ZSCAN22: variants seen among roughly 807,000 people sequenced by gnomAD.
ZSCAN22 encodes the protein zinc finger and SCAN domain containing 22, also known as zinc finger and SCAN domain-containing protein 22.
In ZSCAN22, 7 loss-of-function variants were observed where a neutral mutation model predicts 12.4. The observed-to-expected ratio is 0.57, with a 90% CI of 0.32 to 1.06. The LOEUF is 1.06. ZSCAN22 is among the 50% of genes least tolerant of loss of function. ZSCAN22 has a pLI of 0.04. For synonymous variants in ZSCAN22, 243 were observed against 255.9 expected, an observed-to-expected ratio of 0.95 and a Z score of 0.48; for missense variants, 576 against 631.7, an observed-to-expected ratio of 0.91 and a Z score of 0.94.
intron 2 of ZSCAN22, among the ~76,000 whole-genome samples, chr19:58,337,842 G>T (rs924274753): frequency 6.6e-6 from 1 of 151,662 alleles, no homozygotes; most frequent in Non-Finnish European, 1.5e-5. Context: ...TAGACGCAAG[G>T]TGTTGAGTGT....
chr19:58,327,705 A>C (rs1198705981), intron 1 of ZSCAN22, among the ~76,000 whole-genome samples: 1 of 152,066 alleles, frequency 6.6e-6, no homozygotes, highest in Non-Finnish European at 1.5e-5. Flanking sequence ...GAGACTTCCT[A>C]CGTGGGTTGT....
rs1479164285 is a variant in ZSCAN22, at chr19:58,329,820, G to T, written c.-52+2706G>T. ...GGTTCAGTAATATCCATGGTTTCAG[G>T]CATCCACTGGAGGGTCTTGGAACAC... On this transcript the variant is annotated intron_variant, in intron 1 of 2. Coordinates refer to ENST00000329665, the MANE Select transcript of ZSCAN22 (RefSeq NM_181846.3). This position sits in a 1 kb window ranked among gnomAD's most constrained non-coding sequence, Gnocchi z 4.1. Among the ~76,000 whole-genome samples, 4 of 152,130 alleles carry T rather than the reference G, an allele frequency of 2.6e-5. No homozygotes were observed. Among genetic ancestry groups the T allele is most frequent in the Non-Finnish European group, 4.4e-5 (3 of 68,022 alleles).
In ZSCAN22 at chr19:58,338,624, T is replaced by A; in HGVS notation, c.774T>A (p.Pro258=). Reference sequence around the variant, plus strand: ...TGGTGGATGCTTATGGGACAGAGCCTCCATACACCTACTCAGGGAAGAGGT... The same window carrying A: ...TGGTGGATGCTTATGGGACAGAGCCACCATACACCTACTCAGGGAAGAGGT... ...FDLVDAYGTE[P]PYTYSGKRSS... is the part of the protein sequence containing the mutation. Residue 258 remains proline (P), a synonymous_variant, in exon 3 of 3, where the codon CCT becomes CCA. Transcript: ENST00000329665. This position sits in a 1 kb window ranked among gnomAD's most constrained non-coding sequence, Gnocchi z 5.4. The A allele has an allele frequency of 6.2e-7, 1 of 1,614,206 alleles. No individual in the cohort carries two copies. Among genetic ancestry groups the A allele is most frequent in the Non-Finnish European group, 8.5e-7 (1 of 1,180,044 alleles).
chr19:58,331,748 T>C (rs2051729344), intron 1 of ZSCAN22, among the ~76,000 whole-genome samples: 1 of 151,816 alleles, frequency 6.6e-6, no homozygotes, highest in Non-Finnish European at 1.5e-5. Flanking sequence ...GGTTTAATCA[T>C]GTTGGCCAGG....
chr19:58,342,156 A>G lies in ZSCAN22; in HGVS notation c.*2830A>G, dbSNP rs947266678. 1 of 152,230 alleles carries G rather than the reference A, an allele frequency of 6.6e-6. No individual in the cohort carries two copies. Among genetic ancestry groups the G allele is most frequent in the African/African-American group, 2.4e-5 (1 of 41,456 alleles). The allele number at this position is 152,230 out of a possible 1,614,324, so 9.4% of individuals were successfully genotyped here. A position where few individuals can be genotyped will look rare whatever the true frequency, so the allele number is the denominator to read the frequency against. ...AGAGCCTGTGTGTGCTGCCCAGTCT[A>G]CCAAATAATTTATATACATCTCAGT... On this transcript the variant is annotated 3_prime_UTR_variant, in exon 3 of 3. Transcript: ENST00000329665.
rs1202827692 is a variant in ZSCAN22, at chr19:58,335,174, G to A, written c.372G>A (p.Val124=). Residue 124 remains valine (V), a synonymous_variant, in exon 2 of 3, where the codon GTG becomes GTA. Coordinates refer to ENST00000329665, the MANE Select transcript of ZSCAN22 (RefSeq NM_181846.3). This position sits in a 1 kb window ranked among gnomAD's most constrained non-coding sequence, Gnocchi z 4.1. ...PKSGEEAAVL[V]EDLTQVLDKR... is the part of the protein sequence containing the mutation. ...GCGGAGAGGAAGCCGCTGTGCTGGTGGAGGATCTGACTCAGGTGCTGGACA... is the reference window on the plus strand; with the variant it reads ...GCGGAGAGGAAGCCGCTGTGCTGGTAGAGGATCTGACTCAGGTGCTGGACA... 1.2e-6 allele frequency: 2 copies of A among 1,609,058 alleles called. No homozygotes were observed. The highest frequency in any genetic ancestry group is 2.7e-5 in the African/African-American group (2 of 74,826).
At chr19:58,327,523 A>G (rs1209802504) in intron 1 of ZSCAN22, among the ~76,000 whole-genome samples, 1 of 151,848 alleles carries the variant, frequency 6.6e-6, no homozygotes, top group Non-Finnish European at 1.5e-5. Context: ...GATAAAATGT[A>G]GGACCAGTGG....
intron 1 of ZSCAN22, among the ~76,000 whole-genome samples, chr19:58,331,739 G>T (rs1378192196): frequency 6.6e-6 from 1 of 151,346 alleles, no homozygotes; most frequent in Non-Finnish European, 1.5e-5. Context: ...TAGAGACGGG[G>T]TTTAATCATG....
At position 58,342,030 on chromosome 19, in the gene ZSCAN22, C is replaced by T. The variant is rs1233218111; in HGVS notation, c.*2704C>T. On this transcript the variant is annotated 3_prime_UTR_variant, in exon 3 of 3. Transcript: ENST00000329665. ...GTCACAAGAACTGGATCTCCATCCC[C>T]TTGATGCTCTGAGCATCTTCACCCA... is the stretch of plus-strand genomic sequence containing the variant. The T allele has an allele frequency of 6.6e-6, 1 of 152,230 alleles. No homozygotes were observed. The highest frequency in any genetic ancestry group is 1.5e-5 in the Non-Finnish European group (1 of 68,068). 9.4% of individuals were successfully genotyped at this position (152,230 alleles called of 1,614,324 possible). A position where few individuals can be genotyped will look rare whatever the true frequency, so the allele number is the denominator to read the frequency against.
rs996676346 is a variant in ZSCAN22, at chr19:58,340,369, C to G, written c.*1043C>G. Reference sequence around the variant, plus strand: ...ATACCATGGCTCCACCTTCCATACACCAGCCACACGGAACTACTGTGGTCC... The same window carrying G: ...ATACCATGGCTCCACCTTCCATACAGCAGCCACACGGAACTACTGTGGTCC... On this transcript the variant is annotated 3_prime_UTR_variant, in exon 3 of 3. Coordinates refer to ENST00000329665, the MANE Select transcript of ZSCAN22 (RefSeq NM_181846.3). 1 of 152,266 alleles carries G rather than the reference C, an allele frequency of 6.6e-6. No homozygotes were observed. Among genetic ancestry groups the G allele is most frequent in the Non-Finnish European group, 1.5e-5 (1 of 68,098 alleles). The allele number at this position is 152,266 out of a possible 1,614,324, so 9.4% of individuals were successfully genotyped here. A position where few individuals can be genotyped will look rare whatever the true frequency, so the allele number is the denominator to read the frequency against.
chr19:58,330,029 C>T (rs2051703685), intron 1 of ZSCAN22, among the ~76,000 whole-genome samples: 1 of 152,210 alleles, frequency 6.6e-6, no homozygotes, highest in South Asian at 2.1e-4. Context: ...TGGCTCATGC[C>T]TGTAATCCCA....
Position 58,338,355 on chromosome 19 carries a change from T to A in ZSCAN22, c.505T>A (p.Ser169Thr). The A allele has an allele frequency of 6.2e-7, 1 of 1,614,138 alleles. No homozygotes were observed. ...NVTETLMGGV[S>T]LGPAFVKACE... ...CACTGAGACCCTCATGGGAGGTGTT[T>A]CCCTTGGACCCGCCTTTGTCAAGGC... The change falls in exon 3 of 3, where the codon TCC becomes ACC. Residue 169 changes from serine to threonine, a missense_variant. Transcript: ENST00000329665. The surrounding 1 kb of genome is among the most constrained non-coding windows in gnomAD (Gnocchi z 5.4).
rs375096775 is a variant in ZSCAN22 at position 58,339,059 on chromosome 19, C to G, written c.1209C>G (p.Thr403=). 1 of 1,613,884 alleles carries G rather than the reference C, an allele frequency of 6.2e-7. No individual in the cohort carries two copies. Among genetic ancestry groups the G allele is most frequent in the Non-Finnish European group, 8.5e-7 (1 of 1,179,968 alleles). The change falls in exon 3 of 3, where the codon ACC becomes ACG. Residue 403 remains threonine, a synonymous_variant. Coordinates refer to ENST00000329665, the MANE Select transcript of ZSCAN22 (RefSeq NM_181846.3). The surrounding 1 kb of genome is among the most constrained non-coding windows in gnomAD (Gnocchi z 5.6). The part of the protein sequence containing the change: ...THLTQHQRIH[T]GEKPYKCDAC... The stretch of plus-strand genomic sequence containing the variant: ...TGACTCAACACCAGCGCATCCACAC[C>G]GGGGAGAAGCCCTACAAGTGTGACG...
Position 58,338,819 on chromosome 19 carries a change from C to G in ZSCAN22, c.969C>G (p.Pro323=), listed in dbSNP as rs751497329. Residue 323 remains proline, a synonymous_variant, in exon 3 of 3, where the codon CCC becomes CCG. Coordinates refer to ENST00000329665, the MANE Select transcript of ZSCAN22 (RefSeq NM_181846.3). This position sits in a 1 kb window ranked among gnomAD's most constrained non-coding sequence, Gnocchi z 5.4. ...QHQVVHTGAK[P]HECKECGKAF... ...AGGTTGTCCACACAGGGGCGAAGCC[C>G]CATGAGTGTAAGGAATGTGGGAAGG... 1 of 1,614,010 alleles carries G rather than the reference C, an allele frequency of 6.2e-7. No individual in the cohort carries two copies. Among genetic ancestry groups the G allele is most frequent in the Admixed American group, 1.7e-5 (1 of 60,008 alleles).
intron 2 of ZSCAN22, among the ~76,000 whole-genome samples, chr19:58,336,225 G>A (rs567514584): frequency 2.6e-5 from 4 of 152,224 alleles, no homozygotes; most frequent in East Asian, 1.9e-4. Flanking sequence ...GGCAATACCC[G>A]TGCAGCACCT....
At chr19:58,332,034 C>T (rs1449847692) in intron 1 of ZSCAN22, among the ~76,000 whole-genome samples, 3 of 151,920 alleles carry the variant, frequency 2.0e-5, no homozygotes, top group Admixed American at 6.6e-5. Flanking sequence ...CCACCACGCC[C>T]GGCTGATTTT....
In ZSCAN22 at chr19:58,338,107, A is replaced by C. The variant is rs1204421591; in HGVS notation, c.404-147A>C. 8 of 691,832 alleles carry C rather than the reference A, an allele frequency of 1.2e-5. No individual in the cohort carries two copies. The highest frequency in any genetic ancestry group is 3.6e-5 in the African/African-American group (2 of 55,994). The allele number at this position is 691,832 out of a possible 1,614,324, so 42.9% of individuals were successfully genotyped here. ...CCCTGCACCCTTTGTCATCCAAGAC[A>C]CCAAATGAGAAACTTCCCCTTGGAA... On this transcript the variant is annotated intron_variant, in intron 2 of 2. Coordinates refer to ENST00000329665, the MANE Select transcript of ZSCAN22 (RefSeq NM_181846.3). The surrounding 1 kb of genome is among the most constrained non-coding windows in gnomAD (Gnocchi z 5.4).
chr19:58,334,955 C>T lies in ZSCAN22; in HGVS notation c.153C>T (p.Arg51=), dbSNP rs748986054. 1 of 1,614,140 alleles carries T rather than the reference C, an allele frequency of 6.2e-7. No homozygotes were observed. Among genetic ancestry groups the T allele is most frequent in the Non-Finnish European group, 8.5e-7 (1 of 1,180,050 alleles). The part of the protein sequence containing the change: ...HIAHSEAARL[R]FRHFRYEEAS... Reference sequence around the variant, plus strand: ...CTCACTCTGAGGCTGCACGCCTGCGCTTCCGGCACTTCCGCTATGAGGAGG... The same window carrying T: ...CTCACTCTGAGGCTGCACGCCTGCGTTTCCGGCACTTCCGCTATGAGGAGG... The change falls in exon 2 of 3, where the codon CGC becomes CGT. Residue 51 remains arginine (R), a synonymous_variant. Transcript: ENST00000329665.
intron 2 of ZSCAN22, among the ~76,000 whole-genome samples, chr19:58,336,187 C>A (rs546604060): frequency 3.3e-5 from 5 of 152,216 alleles, no homozygotes; most frequent in Non-Finnish European, 7.3e-5. Context: ...AATAAAAACG[C>A]CCACCTTAGT....
Sources: gnomAD v4.1 joint callset for allele counts (sites outside exome capture counted in the v4.1 genomes callset) on GRCh38, gnomAD v4.1.1 for gene constraint, Gnocchi (gnomAD v3.1) non-coding constraint, MANE v1.5 for transcripts, NCBI Gene and HGNC (gene_info 2026-07-23, HGNC 2026-07-21) for gene names.